ZDHHC7: variants seen among roughly 807,000 people sequenced by gnomAD.
ZDHHC7 encodes the protein palmitoyltransferase ZDHHC7.
In ZDHHC7, 12 loss-of-function variants were observed where a neutral mutation model predicts 34.1. That is an observed-to-expected ratio of 0.35 (90% CI 0.23 to 0.57). The LOEUF (loss-of-function observed/expected upper bound fraction) is 0.57, where lower values mean the gene tolerates loss of function less well. Among genes scored for constraint, ZDHHC7 ranks in the 20% least tolerant of loss-of-function variants. The pLI is 0.84. For synonymous variants in ZDHHC7, 185 were observed against 155.4 expected, an observed-to-expected ratio of 1.19 and a Z score of -1.42; for missense variants, 388 against 402.7, an observed-to-expected ratio of 0.96 and a Z score of 0.31.
the ZDHHC7 span, among the ~76,000 whole-genome samples, chr16:85,022,969 C>T: frequency 1.3e-5 from 2 of 152,172 alleles, no homozygotes; most frequent in East Asian, 1.9e-4. Flanking sequence ...GGAACTGTTC[C>T]AGAGTAAAGG....
At chr16:84,990,939 C>T (rs1014441112) in intron 2 of ZDHHC7, among the ~76,000 whole-genome samples, 3 of 152,188 alleles carry the variant, frequency 2.0e-5, no homozygotes, top group Non-Finnish European at 4.4e-5. Flanking sequence ...AGTCCCAGCA[C>T]TGGGTTCCCC....
intron 1 of ZDHHC7, among the ~76,000 whole-genome samples, chr16:84,999,702 C>T (rs541319972): frequency 1.6e-4 from 24 of 152,076 alleles, no homozygotes; most frequent in Admixed American, 4.6e-4. Flanking sequence ...GATTTGAGCA[C>T]AAGTAGAAGT....
At chr16:85,025,143 C>T in the ZDHHC7 span, among the ~76,000 whole-genome samples, 3 of 151,914 alleles carry the variant, frequency 2.0e-5, no homozygotes, top group Admixed American at 6.6e-5. Context: ...ACAGGCATGG[C>T]GGTGCGCACC....
At chr16:84,987,731 A>T (rs1307316157) in intron 3 of ZDHHC7, among the ~76,000 whole-genome samples, 1 of 152,224 alleles carries the variant, frequency 6.6e-6, no homozygotes, top group African/African-American at 2.4e-5. Context: ...TATAGGTGAG[A>T]AGGGTCCGGC....
rs933990454 is a variant in ZDHHC7 at position 85,011,516 on chromosome 16, G to A, written c.-334C>T. 1.3e-5 allele frequency: 2 copies of A among 152,244 alleles called. No individual in the cohort carries two copies. Among genetic ancestry groups the A allele is most frequent in the African/African-American group, 2.4e-5 (1 of 41,460 alleles). 9.4% of individuals were successfully genotyped at this position (152,244 alleles called of 1,614,324 possible). A position where few individuals can be genotyped will look rare whatever the true frequency, so the allele number is the denominator to read the frequency against. ...CCCGGAGCCTTGGCTGGAGAGCGGG[G>A]CGGTGCGAGCGCCGGAAGTGAACCC... is the stretch of plus-strand genomic sequence containing the variant. On this transcript the variant is annotated 5_prime_UTR_variant, in exon 1 of 8. Transcript: ENST00000313732.
rs1034317579 is a variant in ZDHHC7, at chr16:85,008,883, T to G, written c.-104+2403A>C. 2.6e-5 allele frequency among the ~76,000 whole-genome samples: 4 copies of G among 151,574 alleles called. No homozygotes were observed. The East Asian group carries it at 7.7e-4, about 29-fold the overall frequency. The stretch of plus-strand genomic sequence containing the variant: ...CAACATGGAGAAATCCTGTCTCTAC[T>G]AAAAATACAAAATTAGCCAGCCACG... On this transcript the variant is annotated intron_variant, in intron 1 of 7. Transcript: ENST00000313732.
At chr16:85,001,997 A>T (rs1398780571) in intron 1 of ZDHHC7, among the ~76,000 whole-genome samples, 1 of 152,192 alleles carries the variant, frequency 6.6e-6, no homozygotes, top group Non-Finnish European at 1.5e-5. Flanking sequence ...CACAATACAC[A>T]CACACAATCA....
chr16:85,025,629 C>CA, the ZDHHC7 span, among the ~76,000 whole-genome samples: 4 of 152,128 alleles, frequency 2.6e-5, no homozygotes, highest in Admixed American at 2.0e-4. Context: ...AGGATGGTCT[C>CA]AATCTCTTGA....
Position 84,976,244 on chromosome 16 carries a change from C to T in ZDHHC7, c.*99G>A. On this transcript the variant is annotated 3_prime_UTR_variant, in exon 8 of 8. Transcript: ENST00000313732. ...GCAAGCAATTGGTTTGTGTAGGTTC[C>T]AGTTGCCCTGTTGGTCACAGATGAG... The T allele has an allele frequency of 6.8e-7, 1 of 1,464,042 alleles. No homozygotes were observed. The highest frequency in any genetic ancestry group is 9.3e-7 in the Non-Finnish European group (1 of 1,071,454). The allele number at this position is 1,464,042 out of a possible 1,614,324, so 90.7% of individuals were successfully genotyped here.
chr16:84,988,812 A>G, intron 3 of ZDHHC7: 1 of 1,551,722 alleles, frequency 6.4e-7, no homozygotes, highest in Non-Finnish European at 8.7e-7. Flanking sequence ...AATGCCCACA[A>G]GGGTTGGGTC....
At chr16:84,985,507 CAAAG>C (rs2072424819) in intron 3 of ZDHHC7, among the ~76,000 whole-genome samples, 1 of 152,120 alleles carries the variant, frequency 6.6e-6, no homozygotes, top group African/African-American at 2.4e-5. Flanking sequence ...AAACTGCAAA[CAAAG>C]AACTGTGTTT....
intron 3 of ZDHHC7, chr16:84,982,223 T>A (rs2072380030): frequency 5.2e-6 from 2 of 385,386 alleles, no homozygotes; most frequent in Non-Finnish European, 9.8e-6. Flanking sequence ...CAGGCGCCTG[T>A]AATCCCAGCT....
chr16:85,007,675 A>C (rs1380600953), intron 1 of ZDHHC7, among the ~76,000 whole-genome samples: 1 of 152,058 alleles, frequency 6.6e-6, no homozygotes, highest in East Asian at 1.9e-4. Context: ...TGACTGATGG[A>C]TATTCGAAGA....
chr16:85,012,166 G>A (rs2072803350), upstream of ZDHHC7, among the ~76,000 whole-genome samples: 1 of 152,140 alleles, frequency 6.6e-6, no homozygotes, highest in Non-Finnish European at 1.5e-5. Flanking sequence ...CTGATCACTT[G>A]AGGTCAGGAG....
intron 1 of ZDHHC7, among the ~76,000 whole-genome samples, chr16:85,006,446 C>T (rs1389882529): frequency 2.0e-5 from 3 of 152,022 alleles, no homozygotes; most frequent in Non-Finnish European, 2.9e-5. Context: ...GCAGTGGCAC[C>T]GGTCTACCTG....
At chr16:85,008,202 G>A (rs2072742980) in intron 1 of ZDHHC7, among the ~76,000 whole-genome samples, 1 of 152,018 alleles carries the variant, frequency 6.6e-6, no homozygotes, top group Non-Finnish European at 1.5e-5. Flanking sequence ...ATATGATGTA[G>A]GGTGAGGGGG....
intron 2 of ZDHHC7, among the ~76,000 whole-genome samples, chr16:84,994,064 G>A (rs1233071965): frequency 6.6e-6 from 1 of 152,134 alleles, no homozygotes; most frequent in Non-Finnish European, 1.5e-5. Flanking sequence ...CTGAAGCCCT[G>A]GGCACGCTCA....
chr16:85,001,004 CAT>C (rs2072645325), intron 1 of ZDHHC7, among the ~76,000 whole-genome samples: 2 of 152,162 alleles, frequency 1.3e-5, no homozygotes, highest in African/African-American at 4.8e-5. Context: ...AGAGGACAAT[CAT>C]GTGACACAGC....
At position 84,976,216 on chromosome 16, in the gene ZDHHC7, G is replaced by A; in HGVS notation, c.*127C>T. Reference sequence around the variant, plus strand: ...ACTATAAATATATAAAACTCTGCTTGCTGCAAGCAATTGGTTTGTGTAGGT... The same window carrying A: ...ACTATAAATATATAAAACTCTGCTTACTGCAAGCAATTGGTTTGTGTAGGT... On this transcript the variant is annotated 3_prime_UTR_variant, in exon 8 of 8. Coordinates refer to ENST00000313732, the MANE Select transcript of ZDHHC7 (RefSeq NM_017740.3). 1 of 1,197,838 alleles carries A rather than the reference G, an allele frequency of 8.3e-7. No homozygotes were observed. Among genetic ancestry groups the A allele is most frequent in the Non-Finnish European group, 1.2e-6 (1 of 844,824 alleles). The allele number at this position is 1,197,838 out of a possible 1,614,324, so 74.2% of individuals were successfully genotyped here.
Sources: allele counts gnomAD v4.1 joint callset (sites outside exome capture counted in the v4.1 genomes callset), GRCh38; gene constraint gnomAD v4.1.1; transcripts MANE v1.5; gene names NCBI Gene and HGNC (gene_info 2026-07-23, HGNC 2026-07-21).